DIS3L: variants seen among roughly 807,000 people sequenced by gnomAD.
DIS3L encodes the protein DIS3-like exonuclease 1.
In DIS3L, 100 loss-of-function variants were observed where a neutral mutation model predicts 120.3. The observed-to-expected ratio is 0.83, with a 90% CI of 0.71 to 0.98. The LOEUF (loss-of-function observed/expected upper bound fraction) is 0.98. Ranked by LOEUF, DIS3L falls within the 50% of genes least tolerant of loss-of-function variation. DIS3L has a pLI of 0.00. For missense variants in DIS3L, 1,196 were observed against 1,314.2 expected, an observed-to-expected ratio of 0.91 and a Z score of 1.39; for synonymous variants, 426 against 470.6, an observed-to-expected ratio of 0.91 and a Z score of 1.23.
chr15:66,332,875 G>A lies in DIS3L; in HGVS notation c.2821G>A (p.Glu941Lys), dbSNP rs751129231. The A allele has an allele frequency of 1.9e-5, 31 of 1,613,532 alleles. 1 individual carries two copies. The South Asian group carries it at 3.2e-4, about 17-fold the overall frequency. Residue 941 changes from glutamate to lysine, a missense_variant, in exon 16 of 17, where the codon GAA becomes AAA. Physicochemically the swap from Glu to Lys is moderately conservative, Grantham distance 56. Transcript: ENST00000319212. ...AATTACCTCTACTACAACAGATGGG[G>A]AATCTGTTACGTTCCATTTGTTTGA... ...NKITSTTTDG[E>K]SVTFHLFDHV...
chr15:66,326,801 T>C (rs8030427), intron 12 of DIS3L, among the ~76,000 whole-genome samples: 150,111 of 152,120 alleles, frequency 0.99, 74,092 homozygotes, highest in South Asian at 1. Context: ...AGGCTGGTCT[T>C]GAACTCCTGA....
At chr15:66,304,472 G>A (rs375156264) in intron 2 of DIS3L, among the ~76,000 whole-genome samples, 3 of 151,944 alleles carry the variant, frequency 2.0e-5, no homozygotes, top group Non-Finnish European at 4.4e-5. Flanking sequence ...GTGTCTTTGT[G>A]AAAGTGGGAA....
exon 1 of DIS3L, chr15:66,293,562 CCCGCCACTCCGCGG>C (rs1455623118): frequency 1.4e-5 from 20 of 1,405,080 alleles, no homozygotes; most frequent in Non-Finnish European, 1.8e-5. Context: ...CTCCGCCGCG[CCCGCCACTCCGCGG>C]CCGCCGGGAG....
At position 66,311,860 on chromosome 15, in the gene DIS3L, A is replaced by T; in HGVS notation, c.695A>T (p.Glu232Val). Reference sequence around the variant, plus strand: ...GAGTACCCAGAACATCTTCCCCTGGAAGTGTTAGAAGCTGGGATTAAATCT... The same window carrying T: ...GAGTACCCAGAACATCTTCCCCTGGTAGTGTTAGAAGCTGGGATTAAATCT... The part of the protein sequence containing the change: ...GKEYPEHLPL[E>V]VLEAGIKSGR... Residue 232 changes from glutamate to valine, a missense_variant, in exon 5 of 17, where the codon GAA becomes GTA. By Grantham distance (121) the Glu-to-Val change is moderately radical. Transcript: ENST00000319212. 1 of 1,614,054 alleles carries T rather than the reference A, an allele frequency of 6.2e-7. No homozygotes were observed. Among genetic ancestry groups the T allele is most frequent in the Non-Finnish European group, 8.5e-7 (1 of 1,179,998 alleles).
chr15:66,323,540 C>A lies in DIS3L; in HGVS notation c.1622C>A (p.Ser541Tyr). 6.2e-7 allele frequency: 1 copy of A among 1,614,260 alleles called. No homozygotes were observed. Among genetic ancestry groups the A allele is most frequent in the Non-Finnish European group, 8.5e-7 (1 of 1,180,046 alleles). The change falls in exon 11 of 17, where the codon TCC (serine) becomes TAC (tyrosine). Residue 541 changes from serine to tyrosine, a missense_variant. Ser to Tyr is a moderately radical substitution (Grantham distance 144). Coordinates refer to ENST00000319212, the MANE Select transcript of DIS3L (RefSeq NM_001143688.3). ...LADRRYDMLP[S>Y]VLSADLCSLL... The stretch of plus-strand genomic sequence containing the variant: ...GATCGTCGCTATGACATGCTGCCTT[C>A]CGTCCTCAGTGCAGATTTGTGTTCC...
intron 5 of DIS3L, 85 bp downstream of exon 5, chr15:66,311,985 TTG>T (rs2092767418): frequency 6.7e-7 from 1 of 1,488,110 alleles, no homozygotes; most frequent in African/African-American, 1.4e-5. Flanking sequence ...GGCTGATAGA[TTG>T]CTTTAGCCCA....
intron 5 of DIS3L, 105 bp from the exon 6 acceptor site, chr15:66,313,934 A>C: frequency 1.2e-6 from 1 of 812,262 alleles, no homozygotes; most frequent in South Asian, 1.8e-5. Flanking sequence ...CCTTAAAAGA[A>C]TATTATGGGG....
In DIS3L at chr15:66,306,963, G is replaced by A; in HGVS notation, c.422+11G>A. The stretch of plus-strand genomic sequence containing the variant: ...GAAGTGGCAGACCAGGTATGGCCCT[G>A]ACTTGCTGCTGTTTTCACACTGTCG... On this transcript the variant is annotated intron_variant, in intron 3 of 16. Transcript: ENST00000319212. 6.2e-7 allele frequency: 1 copy of A among 1,613,350 alleles called. No individual in the cohort carries two copies. Among genetic ancestry groups the A allele is most frequent in the East Asian group, 2.2e-5 (1 of 44,850 alleles).
rs757304683 is a variant in DIS3L at position 66,322,793 on chromosome 15, ACC to A, written c.1436_1437del (p.Pro479GlnfsTer4). The A allele has an allele frequency of 8.1e-6, 13 of 1,614,024 alleles. No homozygotes were observed. In the Admixed American group the frequency reaches 2.2e-4, roughly 27 times the overall value. On this transcript the variant is annotated frameshift_variant, in exon 10 of 17. Transcript: ENST00000319212. LOFTEE classifies it high-confidence loss of function. ...AAAAGCCATCTCGTATTCAGCATTG[ACC>A]CCAAAGGTTGTGAAGATGTGGATGA...
At chr15:66,294,877 C>G in intron 1 of DIS3L, 111 bp from the exon 2 acceptor site, 1 of 1,123,580 alleles carries the variant, frequency 8.9e-7, no homozygotes, top group South Asian at 1.7e-5. Context: ...TAAAAACTCC[C>G]ACCATGGAGT....
chr15:66,326,189 G>A lies in DIS3L; in HGVS notation c.2026G>A (p.Glu676Lys), dbSNP rs2092935271. 1 of 1,614,216 alleles carries A rather than the reference G, an allele frequency of 6.2e-7. No individual in the cohort carries two copies. The highest frequency in any genetic ancestry group is 8.5e-7 in the Non-Finnish European group (1 of 1,180,038). Residue 676 changes from glutamate to lysine, a missense_variant, in exon 12 of 17, where the codon GAA becomes AAA. Coordinates refer to ENST00000319212, the MANE Select transcript of DIS3L (RefSeq NM_001143688.3). Reference sequence around the variant, plus strand: ...CGACCTCATCCCCAAGCAGCCCCTGGAAGTCCACGAGACAGTGGCTGAATG... The same window carrying A: ...CGACCTCATCCCCAAGCAGCCCCTGAAAGTCCACGAGACAGTGGCTGAATG... ...IHDLIPKQPL[E>K]VHETVAECMI... is the part of the protein sequence containing the mutation.
At position 66,307,950 on chromosome 15, in the gene DIS3L, A is replaced by AG. The variant is rs201904426; in HGVS notation, c.423-757dup. On this transcript the variant is annotated intron_variant, in intron 3 of 16. Transcript: ENST00000319212. ...ATAATCCCAACACTTTGGGAGGCTGAGGCAAGAGGATCAGGAGTTCGAGAC... is the reference window on the plus strand; with the variant it reads ...ATAATCCCAACACTTTGGGAGGCTGAGGGCAAGAGGATCAGGAGTTCGAGAC... 8.5e-3 allele frequency among the ~76,000 whole-genome samples: 1,297 copies of AG among 152,322 alleles called. 10 individuals are homozygous for AG. Among genetic ancestry groups the AG allele is most frequent in the Non-Finnish European group, 0.014 (960 of 68,022 alleles).
In DIS3L at chr15:66,326,307, A is replaced by T; in HGVS notation, c.2144A>T (p.Glu715Val). Residue 715 changes from glutamate to valine, a missense_variant, in exon 12 of 17, where the codon GAG (glutamate) becomes GTG (valine). Glu to Val is a moderately radical substitution (Grantham distance 121). Transcript: ENST00000319212. Reference sequence around the variant, plus strand: ...CGCCAGCACCCTCCTCCACACCAGGAGTTCTTTTCAGAACTCCGGGAATGT... The same window carrying T: ...CGCCAGCACCCTCCTCCACACCAGGTGTTCTTTTCAGAACTCCGGGAATGT... ...LLRQHPPPHQ[E>V]FFSELRECAK... 6.2e-7 allele frequency: 1 copy of T among 1,614,164 alleles called. No individual in the cohort carries two copies. Among genetic ancestry groups the T allele is most frequent in the Non-Finnish European group, 8.5e-7 (1 of 1,180,034 alleles).
Position 66,329,230 on chromosome 15 carries a change from T to C in DIS3L, c.2366T>C (p.Leu789Ser). The C allele has an allele frequency of 6.3e-7, 1 of 1,598,382 alleles. No homozygotes were observed. Among genetic ancestry groups the C allele is most frequent in the Non-Finnish European group, 8.5e-7 (1 of 1,173,318 alleles). Residue 789 changes from leucine (L) to serine (S), a missense_variant, in exon 14 of 17, where the codon TTA becomes TCA. Transcript: ENST00000319212. Reference sequence around the variant, plus strand: ...TGCTTTCTTTTTGAAGGTCTTGCATTAGATAAATATACCCACTTTACTTCT... The same window carrying C: ...TGCTTTCTTTTTGAAGGTCTTGCATCAGATAAATATACCCACTTTACTTCT... ...EEEFHHYGLA[L>S]DKYTHFTSPI...
chr15:66,318,609 A>G lies in DIS3L; in HGVS notation c.1155A>G (p.Glu385=), dbSNP rs749174993. ...TTCGAATTAGCACTCAGCAAGCAGA[A>G]ACCCTCCAGGTAGTTGGCATTCTAC... ...PKIRISTQQA[E]TLQDFRVVVR... is the part of the protein sequence containing the mutation. The change falls in exon 8 of 17, where the codon GAA becomes GAG. Residue 385 remains glutamate, a synonymous_variant. Transcript: ENST00000319212. 2.1e-5 allele frequency: 34 copies of G among 1,613,908 alleles called. 1 individual carries two copies. The Middle Eastern group carries it at 4.9e-4, about 23-fold the overall frequency.
At chr15:66,317,627 T>A (rs576674711) in intron 7 of DIS3L, among the ~76,000 whole-genome samples, 5 of 151,860 alleles carry the variant, frequency 3.3e-5, no homozygotes, top group Non-Finnish European at 7.4e-5. Flanking sequence ...ATGGGACAAG[T>A]GGATTCTAAA....
chr15:66,321,065 T>A (rs978582195), intron 9 of DIS3L, among the ~76,000 whole-genome samples: 12 of 152,136 alleles, frequency 7.9e-5, no homozygotes, highest in Non-Finnish European at 2.9e-5. Flanking sequence ...AGCTCCACAC[T>A]CTCTGTCCAA....
intron 4 of DIS3L, among the ~76,000 whole-genome samples, chr15:66,310,243 C>T (rs1468551292): frequency 2.0e-5 from 3 of 152,180 alleles, no homozygotes; most frequent in Non-Finnish European, 4.4e-5. Context: ...TAAGAAAGTG[C>T]TCTGGCATGC....
intron 3 of DIS3L, among the ~76,000 whole-genome samples, chr15:66,308,180 T>C (rs542884753): frequency 6.6e-6 from 1 of 152,262 alleles, no homozygotes; most frequent in Non-Finnish European, 1.5e-5. Context: ...AATCAGTCAG[T>C]CAATCCAGTC....
Sources: gnomAD v4.1 joint callset for allele counts (sites outside exome capture counted in the v4.1 genomes callset) on GRCh38, gnomAD v4.1.1 for gene constraint, MANE v1.5 for transcripts, NCBI Gene and HGNC (gene_info 2026-07-23, HGNC 2026-07-21) for gene names.